ANKS3: variants seen among roughly 807,000 people sequenced by gnomAD.
ANKS3 encodes ankyrin repeat and SAM domain-containing protein 3.
In ANKS3, 62 loss-of-function variants were observed where a neutral mutation model predicts 80.7. The ratio of observed to expected loss-of-function variants is 0.77; its 90% CI spans 0.63 to 0.95. The LOEUF is 0.95. ANKS3 is among the 40% of genes least tolerant of loss of function. The pLI is 0.00. For missense variants in ANKS3, 1,150 were observed against 883.6 expected, an observed-to-expected ratio of 1.30 and a Z score of -3.82; for synonymous variants, 489 against 355.3, an observed-to-expected ratio of 1.38 and a Z score of -4.23.
At chr16:4,727,311 G>C in intron 3 of ANKS3, 134 bp from the exon 4 acceptor site, 1 of 875,232 alleles carries the variant, frequency 1.1e-6, no homozygotes, top group Non-Finnish European at 1.8e-6. Context: ...GGACGTTGTG[G>C]GGATTGGAGG....
chr16:4,725,637 A>G (rs2081309188), intron 5 of ANKS3, among the ~76,000 whole-genome samples: 1 of 152,174 alleles, frequency 6.6e-6, no homozygotes, highest in African/African-American at 2.4e-5. Context: ...TCCCACTTCC[A>G]ACTTATAAAA....
At position 4,702,825 on chromosome 16, in the gene ANKS3, G is replaced by A. The variant is rs191792782; in HGVS notation, c.869-583C>T. On this transcript the variant is annotated intron_variant, in intron 8 of 17. Transcript: ENST00000304283. ...ATGTATACCAGGCAATTTCACTCCA[G>A]TTTTGCCCCTTTACATAAAAAGACT... Among the ~76,000 whole-genome samples, 3 of 152,196 alleles carry A rather than the reference G, an allele frequency of 2.0e-5. No individual in the cohort carries two copies. The East Asian group carries it at 5.8e-4, about 29-fold the overall frequency.
chr16:4,701,739 C>A, intron 9 of ANKS3, 196 bp from the exon 10 acceptor site: 1 of 541,604 alleles, frequency 1.8e-6, no homozygotes, highest in East Asian at 3.0e-5. Flanking sequence ...TTTTTGTTCA[C>A]TGATAAATCC....
In ANKS3 at chr16:4,714,088, G is replaced by A. The variant is rs774000532; in HGVS notation, c.672C>T (p.Tyr224=). ...AGAGGCTCTTGGGCAGAGAGGGCGA[G>A]TAAGTGTCCATCAAGGCCACGATCT... ...HMKIVALMDT[Y]SPSLPKSLYR... is the part of the protein sequence containing the mutation. The change falls in exon 7 of 18, where the codon TAC becomes TAT. Residue 224 remains tyrosine, a synonymous_variant. Transcript: ENST00000304283. 3.7e-6 allele frequency: 6 copies of A among 1,614,222 alleles called. No individual in the cohort carries two copies. In the African/African-American group the frequency reaches 4.0e-5, roughly 11 times the overall value.
chr16:4,722,844 G>C (rs994744993), intron 6 of ANKS3, among the ~76,000 whole-genome samples: 1 of 151,512 alleles, frequency 6.6e-6, no homozygotes, highest in African/African-American at 2.4e-5. Flanking sequence ...CTTGAACTTG[G>C]GAGGTAGAGG....
chr16:4,719,309 GCAAA>G (rs1226500771), intron 6 of ANKS3, among the ~76,000 whole-genome samples: 2 of 152,188 alleles, frequency 1.3e-5, no homozygotes, highest in Admixed American at 6.5e-5. Context: ...TCCAGCATGG[GCAAA>G]CAGAGTGAGA....
intron 7 of ANKS3, among the ~76,000 whole-genome samples, chr16:4,708,504 G>T (rs1221412206): frequency 6.6e-6 from 1 of 152,000 alleles, no homozygotes; most frequent in African/African-American, 2.4e-5. Context: ...CAAAAAACTA[G>T]AACAACAAAG....
chr16:4,714,186 CCT>C lies in ANKS3; in HGVS notation c.574-2_574-1del. On this transcript the variant is annotated splice_acceptor_variant, in intron 6 of 17. Transcript: ENST00000304283. LOFTEE classifies it high-confidence loss of function. The stretch of plus-strand genomic sequence containing the variant: ...TGGTCTCTCGCGTCCACCTTGACTC[CCT>C]GTGAATGTCCGTGAAAGGGGGTTAG... 1.1e-5 allele frequency: 17 copies of C among 1,613,958 alleles called. No homozygotes were observed. Among genetic ancestry groups the C allele is most frequent in the Non-Finnish European group, 1.4e-5 (17 of 1,179,940 alleles).
At chr16:4,713,139 T>C (rs2080587159) in intron 7 of ANKS3, among the ~76,000 whole-genome samples, 1 of 151,948 alleles carries the variant, frequency 6.6e-6, no homozygotes, top group South Asian at 2.1e-4. Flanking sequence ...GGCATGGTGG[T>C]GCACGCCTGT....
intron 15 of ANKS3, 25 bp downstream of exon 15, chr16:4,697,952 T>G (rs767420863): frequency 6.5e-7 from 1 of 1,547,814 alleles, no homozygotes; most frequent in Non-Finnish European, 8.7e-7. Flanking sequence ...CTCTGCCCAG[T>G]GCGGAGTCAG....
At chr16:4,720,424 T>C (rs889909232) in intron 6 of ANKS3, among the ~76,000 whole-genome samples, 13 of 148,956 alleles carry the variant, frequency 8.7e-5, no homozygotes, top group Non-Finnish European at 1.8e-4. Flanking sequence ...ATCGCGCCAC[T>C]GCACTCCAGC....
chr16:4,696,913 C>G lies in ANKS3; in HGVS notation c.*12-17G>C. The stretch of plus-strand genomic sequence containing the variant: ...CGTCAGATTCTGAAAGAAAAAGCCC[C>G]GGTGAGAAGGGAGGGGGACAGGTGG... On this transcript the variant is annotated splice_polypyrimidine_tract_variant and intron_variant, in intron 17 of 17. Coordinates refer to ENST00000304283, the MANE Select transcript of ANKS3 (RefSeq NM_133450.4). 1 of 1,059,214 alleles carries G rather than the reference C, an allele frequency of 9.4e-7. No homozygotes were observed. Among genetic ancestry groups the G allele is most frequent in the Non-Finnish European group, 1.4e-6 (1 of 709,346 alleles). 65.6% of individuals were successfully genotyped at this position (1,059,214 alleles called of 1,614,324 possible). A position where few individuals can be genotyped will look rare whatever the true frequency, so the allele number is the denominator to read the frequency against.
At chr16:4,705,279 TAGTGTGTTC>T in intron 7 of ANKS3, 26 bp from the exon 8 acceptor site, 1 of 1,612,212 alleles carries the variant, frequency 6.2e-7, no homozygotes, top group South Asian at 1.1e-5. Context: ...AAGATTAAGA[TAGTGTGTTC>T]AGTAATGGAC....
At chr16:4,722,186 G>A (rs1017973328) in intron 6 of ANKS3, among the ~76,000 whole-genome samples, 2 of 151,386 alleles carry the variant, frequency 1.3e-5, no homozygotes, top group African/African-American at 4.8e-5. Context: ...GAGATACCAT[G>A]TGAATTTTTC....
intron 6 of ANKS3, among the ~76,000 whole-genome samples, chr16:4,716,524 C>T (rs905111170): frequency 6.6e-6 from 1 of 152,106 alleles, no homozygotes; most frequent in Non-Finnish European, 1.5e-5. Flanking sequence ...GGACAAAAAA[C>T]TGTGTTTTCA....
At chr16:4,703,119 T>C (rs2080005709) in intron 8 of ANKS3, among the ~76,000 whole-genome samples, 1 of 152,174 alleles carries the variant, frequency 6.6e-6, no homozygotes, top group Non-Finnish European at 1.5e-5. Flanking sequence ...CATTGCCCCC[T>C]AAACTGTTTT....
chr16:4,697,865 G>T, intron 15 of ANKS3, 112 bp downstream of exon 15: 1 of 1,033,602 alleles, frequency 9.7e-7, no homozygotes, highest in African/African-American at 1.7e-5. Flanking sequence ...ACAGGGACCT[G>T]GGAGAGTGGC....
At chr16:4,706,993 G>T (rs893223340) in intron 7 of ANKS3, among the ~76,000 whole-genome samples, 3 of 152,150 alleles carry the variant, frequency 2.0e-5, no homozygotes, top group African/African-American at 7.2e-5. Flanking sequence ...CTCAAGCTCT[G>T]GCGACTGAGC....
intron 11 of ANKS3, chr16:4,699,416 G>A (rs1214781691): frequency 7.2e-6 from 4 of 552,922 alleles, no homozygotes; most frequent in Non-Finnish European, 9.7e-6. Context: ...ACCAGAAACT[G>A]GCCTCCTCCT....
Sources: allele counts gnomAD v4.1 joint callset (sites outside exome capture counted in the v4.1 genomes callset), GRCh38; gene constraint gnomAD v4.1.1; transcripts MANE v1.5; gene names NCBI Gene and HGNC (gene_info 2026-07-23, HGNC 2026-07-21).